Variants in LOC400499 observed in about 807,000 individuals in gnomAD.
the LOC400499 span, among the ~76,000 whole-genome samples, chr16:11,425,658 A>G: frequency 6.6e-6 from 1 of 152,144 alleles, no homozygotes; most frequent in Non-Finnish European, 1.5e-5. Context: ...AATTCAGAAA[A>G]TCTGAACAGC....
At chr16:11,412,138 T>A in the LOC400499 span, among the ~76,000 whole-genome samples, 1 of 152,132 alleles carries the variant, frequency 6.6e-6, no homozygotes, top group African/African-American at 2.4e-5. Flanking sequence ...GCACTGGGAT[T>A]ACAGGTGTGA....
chr16:11,446,389 C>T, the LOC400499 span, among the ~76,000 whole-genome samples: 1 of 152,086 alleles, frequency 6.6e-6, no homozygotes. Context: ...AACTCCTGGT[C>T]TTAAGCGATC....
the LOC400499 span, chr16:11,456,758 A>G: frequency 1.4e-6 from 2 of 1,392,454 alleles, no homozygotes; most frequent in South Asian, 1.3e-5. Context: ...CCTAGCCAAC[A>G]AAAGGAAAAG....
At chr16:11,391,834 C>T in the LOC400499 span, 6 of 1,232,072 alleles carry the variant, frequency 4.9e-6, no homozygotes, top group Admixed American at 4.2e-5. Flanking sequence ...AGGCCTGCCA[C>T]GCCGTCCAGG....
the LOC400499 span, chr16:11,485,064 G>A: frequency 3.0e-5 from 12 of 398,812 alleles, no homozygotes; most frequent in Admixed American, 1.8e-4. Context: ...TTTTCCAGCC[G>A]GAGCCCAAGC....
chr16:11,375,732 A>AT, the LOC400499 span, among the ~76,000 whole-genome samples: 677 of 130,654 alleles, frequency 5.2e-3, 18 homozygotes, highest in African/African-American at 0.014. Context: ...TCCTTTGTAC[A>AT]TTTTTTTTTT....
chr16:11,425,363 C>T, the LOC400499 span: 4 of 399,300 alleles, frequency 1.0e-5, 1 homozygote, highest in South Asian at 5.1e-4. Flanking sequence ...TGGTGCCGTT[C>T]CCTGCCTTCT....
the LOC400499 span, among the ~76,000 whole-genome samples, chr16:11,509,773 G>C: frequency 6.6e-6 from 1 of 152,136 alleles, no homozygotes; most frequent in Non-Finnish European, 1.5e-5. Context: ...TGAGGTTGCA[G>C]TGAGCTGAGA....
At chr16:11,449,948 G>A in the LOC400499 span, among the ~76,000 whole-genome samples, 4 of 152,324 alleles carry the variant, frequency 2.6e-5, no homozygotes, top group Non-Finnish European at 5.9e-5. Flanking sequence ...GGCAGGAGCC[G>A]GCTAGCCGAC....
chr16:11,391,837 C>T, the LOC400499 span: 16 of 1,232,046 alleles, frequency 1.3e-5, no homozygotes, highest in East Asian at 3.2e-5. Flanking sequence ...CCTGCCACGC[C>T]GTCCAGGGTG....
chr16:11,408,847 A>G, the LOC400499 span, among the ~76,000 whole-genome samples: 25 of 152,138 alleles, frequency 1.6e-4, no homozygotes, highest in African/African-American at 6.0e-4. Flanking sequence ...ATCCAAAAAT[A>G]AGATGGATGG....
chr16:11,458,870 A>T, the LOC400499 span, among the ~76,000 whole-genome samples: 3 of 151,800 alleles, frequency 2.0e-5, no homozygotes, highest in Non-Finnish European at 4.4e-5. Flanking sequence ...TCCCGTCTCT[A>T]CTAAAAATAC....
the LOC400499 span, among the ~76,000 whole-genome samples, chr16:11,503,493 A>T: frequency 6.6e-6 from 1 of 152,172 alleles, no homozygotes; most frequent in African/African-American, 2.4e-5. Context: ...CCTGCAGGGA[A>T]GCCCCCATAC....
the LOC400499 span, among the ~76,000 whole-genome samples, chr16:11,483,039 T>C: frequency 6.6e-6 from 1 of 152,090 alleles, no homozygotes; most frequent in African/African-American, 2.4e-5. Context: ...AGACGTACAA[T>C]AGCAAATGAG....
At chr16:11,468,391 A>G in the LOC400499 span, among the ~76,000 whole-genome samples, 20 of 151,006 alleles carry the variant, frequency 1.3e-4, no homozygotes, top group Non-Finnish European at 3.0e-4. Flanking sequence ...TGGCAGAAGC[A>G]TGGCTCAGTG....
the LOC400499 span, chr16:11,431,262 G>A: frequency 2.5e-6 from 1 of 398,978 alleles, no homozygotes; most frequent in Admixed American, 4.4e-5. Flanking sequence ...TAAGATCATG[G>A]GCTTTGTAGT....
At chr16:11,449,125 G>T in the LOC400499 span, 1 of 1,425,308 alleles carries the variant, frequency 7.0e-7, no homozygotes, top group Non-Finnish European at 9.4e-7. Flanking sequence ...GAGGTGAGGA[G>T]GGGGACCAAG....
the LOC400499 span, among the ~76,000 whole-genome samples, chr16:11,492,452 G>A: frequency 6.6e-6 from 1 of 151,996 alleles, no homozygotes; most frequent in African/African-American, 2.4e-5. Context: ...CCTAGTGCAG[G>A]GAGACAGTCA....
chr16:11,519,607 G>A, the LOC400499 span, among the ~76,000 whole-genome samples: 4 of 151,746 alleles, frequency 2.6e-5, no homozygotes, highest in African/African-American at 7.3e-5. Context: ...TTTTTTTAAA[G>A]GATGAAGTTC....
Sources: gnomAD v4.1 joint callset for allele counts (sites outside exome capture counted in the v4.1 genomes callset) on GRCh38, gnomAD v4.1.1 for gene constraint, MANE v1.5 for transcripts.